The following RALA variants were observed in gnomAD, a reference collection of about 807,000 sequenced individuals.
RALA encodes ras-related protein Ral-A.
In RALA, 5 loss-of-function variants were observed where a neutral mutation model predicts 24.0. That is an observed-to-expected ratio of 0.21 (90% CI 0.11 to 0.44). The LOEUF is 0.44. RALA is among the 20% of genes least tolerant of loss of function. The pLI is 0.99. For synonymous variants in RALA, 77 were observed against 83.8 expected (o/e 0.92, Z 0.44); for missense variants, 95 against 241.2 (o/e 0.39, Z 4.01).
intron 1 of RALA, among the ~76,000 whole-genome samples, chr7:39,680,751 C>CAAT (rs1792580501): frequency 6.6e-6 from 1 of 152,038 alleles, no homozygotes. Context: ...CAAACACTAC[C>CAAT]TGTTGAATTA....
intron 1 of RALA, among the ~76,000 whole-genome samples, chr7:39,672,007 A>G (rs1792399788): frequency 6.6e-6 from 1 of 152,198 alleles, no homozygotes; most frequent in African/African-American, 2.4e-5. Flanking sequence ...TAACTAAATA[A>G]TAAGGCTTTA....
At chr7:39,657,158 G>T (rs549801963) in intron 1 of RALA, among the ~76,000 whole-genome samples, 1 of 152,142 alleles carries the variant, frequency 6.6e-6, no homozygotes, top group East Asian at 1.9e-4. Flanking sequence ...TAGTGACGGG[G>T]TTTCACCACG....
chr7:39,652,336 T>C (rs1224376848), intron 1 of RALA, among the ~76,000 whole-genome samples: 1 of 152,198 alleles, frequency 6.6e-6, no homozygotes, highest in East Asian at 1.9e-4. Context: ...CAAACTGTAA[T>C]AGCCATTCCC....
intron 1 of RALA, among the ~76,000 whole-genome samples, chr7:39,629,922 G>C (rs1791561586): frequency 6.6e-6 from 1 of 152,116 alleles, no homozygotes; most frequent in African/African-American, 2.4e-5. Flanking sequence ...GTAGAGATGG[G>C]GTTTCACCAT....
At chr7:39,647,242 C>A (rs1472637888) in intron 1 of RALA, among the ~76,000 whole-genome samples, 1 of 152,134 alleles carries the variant, frequency 6.6e-6, no homozygotes, top group East Asian at 1.9e-4. Flanking sequence ...AGAGTTTTGC[C>A]ATGTTGCCCA....
intron 1 of RALA, among the ~76,000 whole-genome samples, chr7:39,661,485 C>G (rs1168180478): frequency 6.6e-6 from 1 of 152,170 alleles, no homozygotes; most frequent in African/African-American, 2.4e-5. Flanking sequence ...GTAAATGCAC[C>G]CATTCCAAAT....
At chr7:39,639,163 T>G (rs1472344497) in intron 1 of RALA, among the ~76,000 whole-genome samples, 1 of 152,202 alleles carries the variant, frequency 6.6e-6, no homozygotes, top group African/African-American at 2.4e-5. Flanking sequence ...TGTAGCATAT[T>G]TCTGGTCACA....
intron 1 of RALA, among the ~76,000 whole-genome samples, chr7:39,670,383 G>A (rs1189401250): frequency 1.3e-5 from 2 of 152,220 alleles, no homozygotes; most frequent in Non-Finnish European, 2.9e-5. Flanking sequence ...CTGGTCTCAA[G>A]TGATCCTCCC....
At chr7:39,654,167 A>C (rs1194565357) in intron 1 of RALA, among the ~76,000 whole-genome samples, 1 of 152,228 alleles carries the variant, frequency 6.6e-6, no homozygotes, top group South Asian at 2.1e-4. Flanking sequence ...TTTAATTGAA[A>C]ACATTTTTAT....
rs768117008 is a variant in RALA, at chr7:39,653,509, G to A, written c.-38+29684G>A. On this transcript the variant is annotated intron_variant, in intron 1 of 4. Transcript: ENST00000005257. Reference sequence around the variant, plus strand: ...CTGGCCAATTTTTAAAACATTTTTAGTAGAGATGAGACCTTGCTATGTTGC... The same window carrying A: ...CTGGCCAATTTTTAAAACATTTTTAATAGAGATGAGACCTTGCTATGTTGC... Among the ~76,000 whole-genome samples, 7 of 151,562 alleles carry A rather than the reference G, an allele frequency of 4.6e-5. No individual in the cohort carries two copies. The South Asian group carries it at 6.2e-4, about 14-fold the overall frequency.
At chr7:39,648,611 A>G (rs974572881) in intron 1 of RALA, among the ~76,000 whole-genome samples, 1 of 152,208 alleles carries the variant, frequency 6.6e-6, no homozygotes, top group African/African-American at 2.4e-5. Flanking sequence ...CTAATCTTCC[A>G]GTAGAAGGAA....
intron 1 of RALA, among the ~76,000 whole-genome samples, chr7:39,645,362 A>T (rs1368156477): frequency 1.3e-5 from 2 of 152,192 alleles, no homozygotes; most frequent in East Asian, 3.8e-4. Context: ...TAAGGCAGTA[A>T]TATGAAAATA....
intron 2 of RALA, among the ~76,000 whole-genome samples, chr7:39,688,076 G>A (rs905200894): frequency 2.0e-5 from 3 of 152,042 alleles, no homozygotes; most frequent in African/African-American, 4.8e-5. Flanking sequence ...TGTTGCCTGT[G>A]TCTCACCATT....
In RALA at chr7:39,652,383, A is replaced by G. The variant is rs117148982; in HGVS notation, c.-38+28558A>G. Among the ~76,000 whole-genome samples, 1,188 of 152,242 alleles carry G rather than the reference A, an allele frequency of 7.8e-3. 10 individuals are homozygous for G. Among genetic ancestry groups the G allele is most frequent in the Non-Finnish European group, 0.014 (953 of 68,006 alleles). On this transcript the variant is annotated intron_variant, in intron 1 of 4. Coordinates refer to ENST00000005257, the MANE Select transcript of RALA (RefSeq NM_005402.4). ...AATTCTTACTAATAATTCACATACAAATTCACCAAAAGTAATAATTGTAGG... is the reference window on the plus strand; with the variant it reads ...AATTCTTACTAATAATTCACATACAGATTCACCAAAAGTAATAATTGTAGG...
intron 1 of RALA, among the ~76,000 whole-genome samples, chr7:39,649,333 A>G (rs768336558): frequency 3.9e-5 from 6 of 152,218 alleles, no homozygotes; most frequent in African/African-American, 7.2e-5. Flanking sequence ...TATAGATGCT[A>G]TACTGAGTAT....
intron 1 of RALA, among the ~76,000 whole-genome samples, chr7:39,683,975 C>T (rs1792651441): frequency 6.6e-6 from 1 of 152,092 alleles, no homozygotes; most frequent in African/African-American, 2.4e-5. Context: ...ATGATTATAA[C>T]TGCCAGCAAG....
At chr7:39,680,099 G>A (rs867870403) in intron 1 of RALA, among the ~76,000 whole-genome samples, 15 of 152,040 alleles carry the variant, frequency 9.9e-5, no homozygotes, top group Non-Finnish European at 1.9e-4. Flanking sequence ...GCTGGGCGCC[G>A]TGGCTCACTC....
At chr7:39,642,680 A>AC (rs1791840244) in intron 1 of RALA, among the ~76,000 whole-genome samples, 1 of 152,218 alleles carries the variant, frequency 6.6e-6, no homozygotes, top group Non-Finnish European at 1.5e-5. Context: ...TATATTTAAA[A>AC]ATATGTCCTC....
intron 1 of RALA, among the ~76,000 whole-genome samples, chr7:39,630,444 C>T (rs1465667431): frequency 6.6e-6 from 1 of 152,082 alleles, no homozygotes; most frequent in Admixed American, 6.5e-5. Flanking sequence ...TTAATTTTGA[C>T]ATATGTTGCA....
Sources: gnomAD v4.1 joint callset for allele counts (sites outside exome capture counted in the v4.1 genomes callset) on GRCh38, gnomAD v4.1.1 for gene constraint, MANE v1.5 for transcripts, NCBI Gene and HGNC (gene_info 2026-07-23, HGNC 2026-07-21) for gene names.